AK6: variants seen among roughly 807,000 people sequenced by gnomAD.
The protein encoded by AK6 is adenylate kinase isoenzyme 6.
In AK6, 24 loss-of-function variants were observed where a neutral mutation model predicts 23.7. The observed-to-expected ratio is 1.01, with a 90% CI of 0.73 to 1.43. The LOEUF is 1.43. AK6 is among the 40% of genes most tolerant of loss of function. The pLI, the probability that AK6 is intolerant of heterozygous loss-of-function variation, is 0.00. For missense variants in AK6, 191 were observed against 199.1 expected, an observed-to-expected ratio of 0.96 and a Z score of 0.24; for synonymous variants, 73 against 69.8, an observed-to-expected ratio of 1.05 and a Z score of -0.23.
intron 1 of AK6, chr5:69,369,188 T>C: frequency 2.0e-6 from 1 of 497,532 alleles, no homozygotes; most frequent in African/African-American, 2.0e-5. Context: ...ACTAAGCAGG[T>C]TGCCAAGCTG....
intron 1 of AK6, among the ~76,000 whole-genome samples, chr5:69,367,141 T>A (rs1762465382): frequency 6.6e-6 from 1 of 152,138 alleles, no homozygotes; most frequent in Non-Finnish European, 1.5e-5. Flanking sequence ...GTGTATTGAT[T>A]CTCCAGGGGT....
At chr5:69,352,758 G>C (rs1761980700) in intron 4 of AK6, among the ~76,000 whole-genome samples, 1 of 152,162 alleles carries the variant, frequency 6.6e-6, no homozygotes, top group African/African-American at 2.4e-5. Context: ...AACAGCTGTT[G>C]GTGAGGATGT....
Position 69,352,117 on chromosome 5 carries a change from T to C in AK6, c.463A>G (p.Asn155Asp), listed in dbSNP as rs1030746355. The change falls in exon 5 of 5, where the codon AAT becomes GAT. Residue 155 changes from asparagine (N) to aspartate (D), a missense_variant. Asn to Asp is a conservative substitution (Grantham distance 23, BLOSUM62 1). Transcript: ENST00000380822. ...ATCCATTTCAAGATCTGATCTACAT[T>C]ATTTTCTAGCTCTTCTGGTTTATTA... ...PSNKPEELEN[N>D]VDQILKWIEQ... 2.5e-6 allele frequency: 4 copies of C among 1,613,670 alleles called. No homozygotes were observed. The highest frequency in any genetic ancestry group is 3.4e-6 in the Non-Finnish European group (4 of 1,179,812).
intron 2 of AK6, among the ~76,000 whole-genome samples, chr5:69,362,521 C>T (rs1028014137): frequency 1.3e-5 from 2 of 152,178 alleles, no homozygotes; most frequent in African/African-American, 4.8e-5. Flanking sequence ...GGCACAATGG[C>T]TAACACCGGT....
At chr5:69,352,696 T>C (rs1013337515) in intron 4 of AK6, among the ~76,000 whole-genome samples, 2 of 152,204 alleles carry the variant, frequency 1.3e-5, no homozygotes, top group African/African-American at 4.8e-5. Flanking sequence ...AAAATTACAA[T>C]GAGATATTAC....
Position 69,369,453 on chromosome 5 carries a change from G to C in AK6, c.28+10C>G. The C allele has an allele frequency of 6.2e-7, 1 of 1,609,824 alleles. No homozygotes were observed. Among genetic ancestry groups the C allele is most frequent in the Non-Finnish European group, 8.5e-7 (1 of 1,178,890 alleles). On this transcript the variant is annotated intron_variant, in intron 1 of 4. Transcript: ENST00000380822. Reference sequence around the variant, plus strand: ...CCCCAGCCCAGTCCCTCCCGGCCGCGCGCCCTGACCGGTGAGCAGGATGTT... The same window carrying C: ...CCCCAGCCCAGTCCCTCCCGGCCGCCCGCCCTGACCGGTGAGCAGGATGTT...
At chr5:69,368,364 A>T (rs1048500571) in intron 1 of AK6, among the ~76,000 whole-genome samples, 2 of 152,252 alleles carry the variant, frequency 1.3e-5, no homozygotes, top group Admixed American at 1.3e-4. Context: ...GGGATAATCC[A>T]GTTCCCATAC....
intron 1 of AK6, chr5:69,369,241 C>CCCCCCCCCCCCCCA: frequency 8.3e-6 from 2 of 240,186 alleles, no homozygotes; most frequent in Non-Finnish European, 1.6e-5. Flanking sequence ...CCCCCGCCCC[C>CCCCCCCCCCCCCCA]CCCCGGAGCC....
intron 2 of AK6, 32 bp downstream of exon 2, chr5:69,366,470 AC>A (rs771702753): frequency 6.3e-6 from 10 of 1,580,110 alleles, no homozygotes; most frequent in East Asian, 2.2e-5. Context: ...TAAAAAAAAA[AC>A]AAAACAAATC....
intron 4 of AK6, 121 bp from the exon 5 acceptor site, chr5:69,352,374 C>T: frequency 2.8e-6 from 2 of 721,660 alleles, no homozygotes; most frequent in Admixed American, 2.9e-5. Context: ...ATGGTCTCTT[C>T]ACCTAGAGAG....
At chr5:69,368,062 T>G (rs1762561861) in intron 1 of AK6, among the ~76,000 whole-genome samples, 1 of 152,006 alleles carries the variant, frequency 6.6e-6, no homozygotes, top group African/African-American at 2.4e-5. Flanking sequence ...AGTCTGAAAA[T>G]TACCTCTACT....
chr5:69,353,169 T>C (rs1466722838), intron 4 of AK6, among the ~76,000 whole-genome samples: 1 of 152,180 alleles, frequency 6.6e-6, no homozygotes, highest in Non-Finnish European at 1.5e-5. Flanking sequence ...TATGATTTCA[T>C]TCATATGAAA....
chr5:69,361,969 CTTTTTTT>C (rs112797204), intron 2 of AK6, among the ~76,000 whole-genome samples: 2,009 of 104,872 alleles, frequency 0.019, 37 homozygotes, highest in African/African-American at 0.061. Context: ...ACTTGATTCC[CTTTTTTT>C]TTTTTTTTTT....
intron 4 of AK6, among the ~76,000 whole-genome samples, chr5:69,353,138 G>C (rs965218120): frequency 7.2e-5 from 11 of 151,912 alleles, no homozygotes; most frequent in African/African-American, 2.4e-4. Flanking sequence ...ACAGGAGACA[G>C]GCATAAAAGT....
chr5:69,359,274 C>T (rs1762165496), intron 2 of AK6, among the ~76,000 whole-genome samples: 1 of 151,316 alleles, frequency 6.6e-6, no homozygotes, highest in Admixed American at 6.6e-5. Flanking sequence ...GACAGAGTTT[C>T]ACTCTCGTCA....
intron 2 of AK6, among the ~76,000 whole-genome samples, chr5:69,358,624 G>A (rs186253892): frequency 5.7e-4 from 86 of 151,002 alleles, no homozygotes; most frequent in Admixed American, 1.8e-3. Context: ...TTTTTGAGAC[G>A]GAGTCCCAGA....
At chr5:69,365,113 C>G in intron 2 of AK6, 1 of 1,614,216 alleles carries the variant, frequency 6.2e-7, no homozygotes, top group Admixed American at 1.7e-5. Flanking sequence ...ACATTCTGAA[C>G]TGCTGAGGTT....
At chr5:69,361,990 T>G (rs1404969916) in intron 2 of AK6, among the ~76,000 whole-genome samples, 6 of 124,606 alleles carry the variant, frequency 4.8e-5, no homozygotes, top group Non-Finnish European at 9.2e-5. Context: ...TTTTTTTTTT[T>G]GCCTTGGTTT....
chr5:69,360,714 T>G (rs987556589), intron 2 of AK6, among the ~76,000 whole-genome samples: 4 of 152,082 alleles, frequency 2.6e-5, no homozygotes, highest in African/African-American at 9.7e-5. Flanking sequence ...TTCCAAGGCT[T>G]CCAGTGGGAG....
Sources: gnomAD v4.1 joint callset for allele counts (sites outside exome capture counted in the v4.1 genomes callset) on GRCh38, gnomAD v4.1.1 for gene constraint, MANE v1.5 for transcripts, NCBI Gene and HGNC (gene_info 2026-07-23, HGNC 2026-07-21) for gene names.